Variants in PRKG1 observed in about 807,000 individuals in gnomAD.
PRKG1 encodes the protein cGMP-dependent protein kinase 1.
PRKG1 carries 35 observed loss-of-function variants against 88.1 expected under a neutral mutation model. The observed-to-expected ratio is 0.40, with a 90% CI of 0.30 to 0.53. The LOEUF is 0.53. Ranked by LOEUF, PRKG1 falls within the 20% of genes least tolerant of loss-of-function variation. PRKG1 has a pLI of 0.59. For missense variants in PRKG1, 540 were observed against 839.8 expected (o/e 0.64, Z 4.41); for synonymous variants, 303 against 292.5 (o/e 1.04, Z -0.37).
chr10:52,289,877 C>T (rs907578388), intron 16 of PRKG1, among the ~76,000 whole-genome samples: 8 of 152,052 alleles, frequency 5.3e-5, no homozygotes, highest in African/African-American at 1.7e-4. Context: ...CCTGGTTCTA[C>T]CTCCTTAAAA....
chr10:51,809,269 T>A (rs962634475), intron 4 of PRKG1, among the ~76,000 whole-genome samples: 2 of 149,436 alleles, frequency 1.3e-5, no homozygotes, highest in African/African-American at 5.1e-5. Flanking sequence ...TAAACACAGA[T>A]GTTTCTATCC....
At position 52,266,448 on chromosome 10, in the gene PRKG1, C is replaced by T. The variant is rs1285346524; in HGVS notation, c.1174-4902C>T. Among the ~76,000 whole-genome samples, 7 of 152,040 alleles carry T rather than the reference C, an allele frequency of 4.6e-5. No homozygotes were observed. The East Asian group carries it at 1.4e-3, about 30-fold the overall frequency. ...ATGTGCTCACATTATTCAGCTCCCA[C>T]TTATAAGTGAGAACATGCGCTGTTT... On this transcript the variant is annotated intron_variant, in intron 10 of 17. Transcript: ENST00000373980.
chr10:51,989,694 T>A (rs1844253615), intron 5 of PRKG1, among the ~76,000 whole-genome samples: 1 of 152,066 alleles, frequency 6.6e-6, no homozygotes, highest in African/African-American at 2.4e-5. Context: ...ATAGATGTCA[T>A]GAACATAGGA....
chr10:52,120,401 C>T (rs968117345), intron 7 of PRKG1, among the ~76,000 whole-genome samples: 2 of 152,158 alleles, frequency 1.3e-5, no homozygotes, highest in South Asian at 2.1e-4. Context: ...CTCAAAAGTC[C>T]GAATCCCAAA....
chr10:51,953,732 A>T lies in PRKG1; in HGVS notation c.762+46162A>T, dbSNP rs193279647. Among the ~76,000 whole-genome samples the T allele has an allele frequency of 3.5e-3, 537 of 151,702 alleles. 3 individuals carry two copies. The highest frequency in any genetic ancestry group is 0.012 in the African/African-American group (490 of 41,368). On this transcript the variant is annotated intron_variant, in intron 5 of 17. Transcript: ENST00000373980. The stretch of plus-strand genomic sequence containing the variant: ...GTGTGTGCGGTTTTGTTTTTTTTTT[A>T]ACTTTTGAACTGAAATCAACAAAAA...
intron 2 of PRKG1, among the ~76,000 whole-genome samples, chr10:51,174,137 T>A (rs1837127307): frequency 6.6e-6 from 1 of 151,936 alleles, no homozygotes; most frequent in South Asian, 2.1e-4. Context: ...ATTAACTTGG[T>A]TTAGTTATTC....
intron 4 of PRKG1, among the ~76,000 whole-genome samples, chr10:51,824,908 A>C (rs113402775): frequency 6.6e-5 from 10 of 152,170 alleles, no homozygotes; most frequent in African/African-American, 2.2e-4. Context: ...ATCACATTTC[A>C]ACATGAGATT....
chr10:51,333,027 G>A (rs1841781685), intron 2 of PRKG1, among the ~76,000 whole-genome samples: 2 of 152,148 alleles, frequency 1.3e-5, no homozygotes, highest in South Asian at 2.1e-4. Flanking sequence ...TGAGGTTCAG[G>A]CAGTTTACAT....
chr10:51,012,330 C>G (rs905155397), intron 1 of PRKG1, among the ~76,000 whole-genome samples: 4 of 152,130 alleles, frequency 2.6e-5, no homozygotes, highest in Non-Finnish European at 5.9e-5. Context: ...TGACAGCTGG[C>G]CTTGAGAAAG....
intron 7 of PRKG1, among the ~76,000 whole-genome samples, chr10:52,119,949 TAGACAGAC>T (rs113840419): frequency 2.0e-5 from 3 of 148,872 alleles, no homozygotes; most frequent in Admixed American, 6.6e-5. Context: ...GAGACAGAGA[TAGACAGAC>T]AGAGACAGAG....
At chr10:51,625,893 C>A (rs531665541) in intron 3 of PRKG1, among the ~76,000 whole-genome samples, 1 of 152,156 alleles carries the variant, frequency 6.6e-6, no homozygotes, top group African/African-American at 2.4e-5. Flanking sequence ...GTTTAAGTTA[C>A]ACTTCTCCCC....
At chr10:52,050,191 C>T (rs1845957213) in intron 5 of PRKG1, among the ~76,000 whole-genome samples, 1 of 151,822 alleles carries the variant, frequency 6.6e-6, no homozygotes, top group Non-Finnish European at 1.5e-5. Context: ...CTGGTGGTGG[C>T]ACAGTCAAGG....
At chr10:51,034,694 A>T (rs1360028288) in intron 1 of PRKG1, among the ~76,000 whole-genome samples, 1 of 137,528 alleles carries the variant, frequency 7.3e-6, no homozygotes, top group African/African-American at 2.7e-5. Context: ...ATATATATAT[A>T]TATATATATA....
intron 7 of PRKG1, among the ~76,000 whole-genome samples, chr10:52,093,742 A>G (rs1405854755): frequency 1.3e-5 from 2 of 152,162 alleles, no homozygotes; most frequent in East Asian, 3.9e-4. Context: ...CTTAGTCTAG[A>G]TCACAGCAAA....
At chr10:52,286,970 T>C (rs1284326275) in intron 14 of PRKG1, among the ~76,000 whole-genome samples, 2 of 152,024 alleles carry the variant, frequency 1.3e-5, no homozygotes, top group African/African-American at 4.8e-5. Context: ...TTTGAGGTTT[T>C]GGATGACTTT....
rs1837513871 is a variant in PRKG1, at chr10:51,743,959, G to C, written c.593-60626G>C. 2.6e-5 allele frequency among the ~76,000 whole-genome samples: 4 copies of C among 151,180 alleles called. No individual in the cohort carries two copies. In the Admixed American group the frequency reaches 2.7e-4, roughly 10 times the overall value. ...TGGCTAAAAGCGACTTCAACAGGTTGTTTTAATTAACTAATTCAGTACTTT... is the reference window on the plus strand; with the variant it reads ...TGGCTAAAAGCGACTTCAACAGGTTCTTTTAATTAACTAATTCAGTACTTT... On this transcript the variant is annotated intron_variant, in intron 3 of 17. Transcript: ENST00000373980.
At chr10:51,283,033 A>G (rs934903428) in intron 2 of PRKG1, among the ~76,000 whole-genome samples, 5 of 152,072 alleles carry the variant, frequency 3.3e-5, no homozygotes, top group Admixed American at 3.3e-4. Context: ...AAAGAGAAAA[A>G]CCAAAATCTT....
intron 9 of PRKG1, among the ~76,000 whole-genome samples, chr10:52,204,218 C>T (rs1384331555): frequency 6.6e-6 from 1 of 151,992 alleles, no homozygotes; most frequent in Admixed American, 6.6e-5. Context: ...CTGCCTCAGC[C>T]TCCTGGGTAG....
chr10:51,616,814 T>C (rs1839069116), intron 3 of PRKG1, among the ~76,000 whole-genome samples: 1 of 152,046 alleles, frequency 6.6e-6, no homozygotes, highest in Non-Finnish European at 1.5e-5. Flanking sequence ...CTGGAAGTAT[T>C]GTAAGTTGGT....
Sources: gnomAD v4.1 joint callset for allele counts (sites outside exome capture counted in the v4.1 genomes callset) on GRCh38, gnomAD v4.1.1 for gene constraint, MANE v1.5 for transcripts, NCBI Gene and HGNC (gene_info 2026-07-23, HGNC 2026-07-21) for gene names.